The following NUDT3 variants were observed in gnomAD, a reference collection of about 807,000 sequenced individuals.
The protein encoded by NUDT3 is nudix hydrolase 3.
In NUDT3, 9 loss-of-function variants were observed where a neutral mutation model predicts 23.6. The ratio of observed to expected loss-of-function variants is 0.38; its 90% CI spans 0.23 to 0.66. NUDT3 has a LOEUF of 0.66. Ranked by LOEUF, NUDT3 falls within the 30% of genes least tolerant of loss-of-function variation. The pLI is 0.52. For synonymous variants in NUDT3, 86 were observed against 82.6 expected (o/e 1.04, Z -0.22); for missense variants, 172 against 218.5 (o/e 0.79, Z 1.34).
rs1561894252 is a variant in NUDT3, at chr6:34,283,197, C to CTTTTTTTTTTTTTTTTTT, written c.*5555_*5556insAAAAAAAAAAAAAAAAAA. ...TCATCACAAAATGGGATTCCCTTCCCTTTTCTTTTTTTTTTTTTTTTTTTT... is the reference window on the plus strand; with the variant it reads ...TCATCACAAAATGGGATTCCCTTCCCTTTTTTTTTTTTTTTTTTTTTTCTTTTTTTTTTTTTTTTTTTT... On this transcript the variant is annotated 3_prime_UTR_variant, in exon 5 of 5. Coordinates refer to ENST00000607016, the MANE Select transcript of NUDT3 (RefSeq NM_006703.4). The CTTTTTTTTTTTTTTTTTT allele has an allele frequency of 6.9e-6, 1 of 145,318 alleles. No homozygotes were observed. The allele number at this position is 145,318 out of a possible 1,614,324, so 9.0% of individuals were successfully genotyped here. A position where few individuals can be genotyped will look rare whatever the true frequency, so the allele number is the denominator to read the frequency against.
chr6:34,293,633 G>C lies in NUDT3; in HGVS notation c.256-98C>G, dbSNP rs1763456736. 4.3e-6 allele frequency: 6 copies of C among 1,386,598 alleles called. No individual in the cohort carries two copies. The South Asian group carries it at 7.5e-5, about 17-fold the overall frequency. The allele number at this position is 1,386,598 out of a possible 1,614,324, so 85.9% of individuals were successfully genotyped here. On this transcript the variant is annotated intron_variant, in intron 3 of 4. Transcript: ENST00000607016. Reference sequence around the variant, plus strand: ...CTTATGCATATGTCCAGAGAGCTCAGACACAAAGATTCTAAACTTTTACTT... The same window carrying C: ...CTTATGCATATGTCCAGAGAGCTCACACACAAAGATTCTAAACTTTTACTT...
chr6:34,332,332 T>C (rs946512492), intron 2 of NUDT3, among the ~76,000 whole-genome samples: 2 of 152,202 alleles, frequency 1.3e-5, no homozygotes, highest in Non-Finnish European at 2.9e-5. Context: ...TACTGTTCAT[T>C]AGGTGGAAGT....
At chr6:34,337,463 T>C (rs1764226645) in intron 2 of NUDT3, among the ~76,000 whole-genome samples, 2 of 152,220 alleles carry the variant, frequency 1.3e-5, no homozygotes, top group Non-Finnish European at 2.9e-5. Context: ...GCTGGATCTT[T>C]CACTTCCTTG....
chr6:34,291,722 C>T (rs1201271358), intron 4 of NUDT3, among the ~76,000 whole-genome samples: 2 of 152,084 alleles, frequency 1.3e-5, no homozygotes, highest in Admixed American at 6.5e-5. Flanking sequence ...AGGCTGGTCT[C>T]GAACTCCTGA....
intron 2 of NUDT3, among the ~76,000 whole-genome samples, chr6:34,326,850 C>T (rs1006152767): frequency 1.1e-4 from 16 of 152,126 alleles, no homozygotes; most frequent in African/African-American, 1.9e-4. Context: ...ATCCACCCGC[C>T]GTGGCCTCCC....
intron 1 of NUDT3, among the ~76,000 whole-genome samples, chr6:34,357,613 C>T (rs1468631716): frequency 6.8e-6 from 1 of 147,828 alleles, no homozygotes; most frequent in Admixed American, 6.8e-5. Context: ...GACCCTATAT[C>T]CCCTGCACCC....
At chr6:34,320,839 A>T (rs180750195) in intron 2 of NUDT3, among the ~76,000 whole-genome samples, 1 of 152,242 alleles carries the variant, frequency 6.6e-6, no homozygotes, top group African/African-American at 2.4e-5. Flanking sequence ...TCTCAAAATA[A>T]ATAAATAAAT....
chr6:34,358,357 T>C (rs570145701), intron 1 of NUDT3, among the ~76,000 whole-genome samples: 3 of 152,252 alleles, frequency 2.0e-5, no homozygotes, highest in South Asian at 2.1e-4. Flanking sequence ...CGACAGGATG[T>C]TGAAACTTCC....
intron 3 of NUDT3, 148 bp downstream of exon 3, chr6:34,295,493 C>G: frequency 1.2e-6 from 1 of 862,578 alleles, no homozygotes; most frequent in Non-Finnish European, 1.7e-6. Flanking sequence ...TGCACTCCAG[C>G]CTGGGCGAGA....
At chr6:34,314,269 A>G (rs895176298) in intron 2 of NUDT3, among the ~76,000 whole-genome samples, 1 of 150,436 alleles carries the variant, frequency 6.6e-6, no homozygotes, top group Admixed American at 6.6e-5. Context: ...CTGAAAATAT[A>G]AGGCCGGGCG....
chr6:34,303,196 A>ATT (rs1763626757), intron 2 of NUDT3, among the ~76,000 whole-genome samples: 1 of 118,386 alleles, frequency 8.4e-6, no homozygotes, highest in African/African-American at 3.2e-5. Flanking sequence ...CATACCTGGC[A>ATT]ATTTTTTTTT....
At chr6:34,368,714 C>T (rs1397882828) in intron 1 of NUDT3, among the ~76,000 whole-genome samples, 1 of 152,198 alleles carries the variant, frequency 6.6e-6, no homozygotes, top group Non-Finnish European at 1.5e-5. Flanking sequence ...TCTCAGTTCA[C>T]TGCAAACTCC....
chr6:34,288,989 A>G (rs1763376518), intron 4 of NUDT3, 58 bp from the exon 5 acceptor site: 1 of 1,488,100 alleles, frequency 6.7e-7, no homozygotes. Flanking sequence ...CTGAGCCTAG[A>G]ACTTTTGAGA....
At chr6:34,386,570 T>C (rs1765110190) in intron 1 of NUDT3, among the ~76,000 whole-genome samples, 1 of 152,066 alleles carries the variant, frequency 6.6e-6, no homozygotes, top group Admixed American at 6.5e-5. Context: ...AAATAAAGTT[T>C]TCTGGGGCTG....
At chr6:34,316,243 AC>A (rs1468673420) in intron 2 of NUDT3, among the ~76,000 whole-genome samples, 1 of 152,122 alleles carries the variant, frequency 6.6e-6, no homozygotes, top group Non-Finnish European at 1.5e-5. Flanking sequence ...CCTGATGTGG[AC>A]CCCTACCAAG....
intron 3 of NUDT3, 47 bp from the exon 4 acceptor site, chr6:34,293,582 C>T: frequency 5.0e-6 from 8 of 1,608,340 alleles, no homozygotes; most frequent in Non-Finnish European, 6.8e-6. Flanking sequence ...CCTTAGAAAG[C>T]TGGAATTACT....
intron 2 of NUDT3, among the ~76,000 whole-genome samples, chr6:34,320,186 T>C (rs778254864): frequency 2.0e-5 from 3 of 152,112 alleles, no homozygotes; most frequent in Admixed American, 6.5e-5. Flanking sequence ...ATGTTACTAG[T>C]GGCGAGTATG....
At chr6:34,367,212 T>G (rs1432106472) in intron 1 of NUDT3, among the ~76,000 whole-genome samples, 2 of 152,032 alleles carry the variant, frequency 1.3e-5, no homozygotes, top group Non-Finnish European at 2.9e-5. Context: ...CCGGGCGCAG[T>G]GGCTCACGCC....
intron 4 of NUDT3, among the ~76,000 whole-genome samples, chr6:34,290,265 T>C (rs1466747264): frequency 6.6e-6 from 1 of 151,148 alleles, no homozygotes. Flanking sequence ...TTTCCAGAGA[T>C]AGGATCTCAC....
Sources: gnomAD v4.1 joint callset for allele counts (sites outside exome capture counted in the v4.1 genomes callset) on GRCh38, gnomAD v4.1.1 for gene constraint, MANE v1.5 for transcripts, NCBI Gene and HGNC (gene_info 2026-07-23, HGNC 2026-07-21) for gene names.